EYS: variants seen among roughly 807,000 people sequenced by gnomAD.
The protein encoded by EYS is EGF-like photoreceptor maintenance factor.
In EYS, 250 loss-of-function variants were observed where a neutral mutation model predicts 282.1. The ratio of observed to expected loss-of-function variants is 0.89; its 90% CI spans 0.80 to 0.98. EYS has a LOEUF of 0.98. Among genes scored for constraint, EYS ranks in the 50% least tolerant of loss-of-function variants. EYS has a pLI of 0.00. For synonymous variants in EYS, 1,355 were observed against 1,282.9 expected (o/e 1.06, Z -1.20); for missense variants, 4,016 against 3,709.0 (o/e 1.08, Z -2.15).
At chr6:64,292,817 T>G (rs778709397) in intron 30 of EYS, among the ~76,000 whole-genome samples, 3 of 152,088 alleles carry the variant, frequency 2.0e-5, no homozygotes, top group Non-Finnish European at 2.9e-5. Context: ...GCTATGTATT[T>G]GGCCCCATTC....
At chr6:64,288,532 C>A (rs950044336) in intron 30 of EYS, among the ~76,000 whole-genome samples, 1 of 152,082 alleles carries the variant, frequency 6.6e-6, no homozygotes, top group Non-Finnish European at 1.5e-5. Flanking sequence ...GTCATTTATA[C>A]GGCCTTCAAC....
At chr6:64,803,849 A>C (rs1478314772) in intron 22 of EYS, among the ~76,000 whole-genome samples, 1 of 152,196 alleles carries the variant, frequency 6.6e-6, no homozygotes, top group African/African-American at 2.4e-5. Context: ...GGAGTGGGGA[A>C]GAGTCCAGGC....
At chr6:64,476,725 T>C (rs1050102084) in intron 26 of EYS, among the ~76,000 whole-genome samples, 2 of 152,154 alleles carry the variant, frequency 1.3e-5, no homozygotes, top group Non-Finnish European at 2.9e-5. Context: ...TTCAAAGATA[T>C]TTAAATATGT....
intron 28 of EYS, among the ~76,000 whole-genome samples, chr6:64,396,691 T>C (rs75143238): frequency 0.031 from 4,714 of 152,190 alleles, 229 homozygotes; most frequent in African/African-American, 0.11. Context: ...TCTCCACTGT[T>C]CTGCAGTATC....
chr6:65,170,804 A>C (rs896547983), intron 12 of EYS, among the ~76,000 whole-genome samples: 1 of 151,566 alleles, frequency 6.6e-6, no homozygotes, highest in Non-Finnish European at 1.5e-5. Context: ...AAAAATTAAC[A>C]ACAAAAATCA....
At chr6:64,633,386 A>G (rs760991677) in intron 22 of EYS, among the ~76,000 whole-genome samples, 14 of 152,164 alleles carry the variant, frequency 9.2e-5, no homozygotes, top group Non-Finnish European at 1.8e-4. Flanking sequence ...ATATATTGAT[A>G]TTGACAGTAT....
chr6:64,591,995 A>G lies in EYS; in HGVS notation c.3878-6T>C, dbSNP rs1169057656. ...AATGCCTGTCTGTTTTGGACCTACAAAAAGGAAAAAAGCCAAAAAGGTTAG... is the reference window on the plus strand; with the variant it reads ...AATGCCTGTCTGTTTTGGACCTACAGAAAGGAAAAAAGCCAAAAAGGTTAG... On this transcript the variant is annotated splice_region_variant and splice_polypyrimidine_tract_variant and intron_variant, in intron 25 of 42. Coordinates refer to ENST00000503581, the MANE Select transcript of EYS (RefSeq NM_001142800.2). The G allele has an allele frequency of 1.4e-6, 2 of 1,451,814 alleles. No homozygotes were observed. The highest frequency in any genetic ancestry group is 1.5e-5 in the South Asian group (1 of 67,232). 89.9% of individuals were successfully genotyped at this position (1,451,814 alleles called of 1,614,324 possible).
chr6:64,946,016 A>T, intron 14 of EYS, 102 bp from the exon 15 acceptor site: 2 of 967,342 alleles, frequency 2.1e-6, no homozygotes, highest in Non-Finnish European at 2.9e-6. Flanking sequence ...TCAATTTATA[A>T]TTTTTTTAGT....
chr6:64,383,613 A>G (rs747815015), intron 29 of EYS, among the ~76,000 whole-genome samples: 2 of 152,230 alleles, frequency 1.3e-5, no homozygotes, highest in African/African-American at 2.4e-5. Context: ...GCTTATGTTT[A>G]TCAGAGGTTT....
intron 2 of EYS, among the ~76,000 whole-genome samples, chr6:65,609,353 T>G (rs1213369365): frequency 6.9e-6 from 1 of 143,962 alleles, no homozygotes; most frequent in African/African-American, 2.5e-5. Flanking sequence ...AAAAAAAATC[T>G]AATACTAACA....
chr6:64,516,755 C>T (rs563575577), intron 26 of EYS, among the ~76,000 whole-genome samples: 1 of 151,628 alleles, frequency 6.6e-6, no homozygotes, highest in East Asian at 1.9e-4. Flanking sequence ...GATGTTTAGT[C>T]TAATAAAATT....
chr6:63,873,715 A>G (rs1325324326), intron 35 of EYS, among the ~76,000 whole-genome samples: 2 of 152,182 alleles, frequency 1.3e-5, no homozygotes, highest in African/African-American at 4.8e-5. Flanking sequence ...ATGAGATGGT[A>G]TCTCATGGTG....
intron 22 of EYS, among the ~76,000 whole-genome samples, chr6:64,746,716 C>A (rs940379279): frequency 6.6e-6 from 1 of 152,196 alleles, no homozygotes; most frequent in Non-Finnish European, 1.5e-5. Flanking sequence ...AATTTCCATA[C>A]AGACTGTATA....
intron 15 of EYS, among the ~76,000 whole-genome samples, chr6:64,941,891 T>TG (rs1562268348): frequency 6.6e-6 from 1 of 152,110 alleles, no homozygotes; most frequent in African/African-American, 2.4e-5. Context: ...TCTATGTCTT[T>TG]GCTATGGTGA....
At chr6:65,467,246 A>C (rs913258891) in intron 5 of EYS, among the ~76,000 whole-genome samples, 1 of 152,144 alleles carries the variant, frequency 6.6e-6, no homozygotes, top group Non-Finnish European at 1.5e-5. Flanking sequence ...CCTCACTTAT[A>C]TAACAAAATT....
intron 2 of EYS, among the ~76,000 whole-genome samples, chr6:65,615,772 A>G (rs1766172713): frequency 6.6e-6 from 1 of 151,954 alleles, no homozygotes; most frequent in East Asian, 1.9e-4. Flanking sequence ...GTCTCTACTA[A>G]AAATACAAAA....
At chr6:65,624,337 T>C (rs1336655126) in intron 2 of EYS, among the ~76,000 whole-genome samples, 1 of 152,138 alleles carries the variant, frequency 6.6e-6, no homozygotes, top group Non-Finnish European at 1.5e-5. Context: ...ATATGTCAGC[T>C]TACATGCTAA....
chr6:65,328,119 G>A (rs372800655), intron 11 of EYS, among the ~76,000 whole-genome samples: 2 of 151,262 alleles, frequency 1.3e-5, no homozygotes, highest in Non-Finnish European at 1.5e-5. Flanking sequence ...TGTGAAAAAC[G>A]TTTGCTTTGC....
intron 30 of EYS, among the ~76,000 whole-genome samples, chr6:64,284,430 G>A (rs890694475): frequency 6.6e-6 from 1 of 152,136 alleles, no homozygotes; most frequent in Admixed American, 6.5e-5. Flanking sequence ...GGCTTTGCAA[G>A]GTACAGCCTC....
Sources: gnomAD v4.1 joint callset for allele counts (sites outside exome capture counted in the v4.1 genomes callset) on GRCh38, gnomAD v4.1.1 for gene constraint, MANE v1.5 for transcripts, NCBI Gene and HGNC (gene_info 2026-07-23, HGNC 2026-07-21) for gene names.